Variants in ETV6 observed in about 807,000 individuals in gnomAD.
The protein encoded by ETV6 is transcription factor ETV6.
Under a neutral mutation model 51.1 loss-of-function variants are expected in ETV6, and 16 were observed. The observed-to-expected ratio is 0.31, with a 90% confidence interval of 0.21 to 0.48. The LOEUF (loss-of-function observed/expected upper bound fraction) is 0.48. Ranked by LOEUF, ETV6 falls within the 20% of genes least tolerant of loss-of-function variation. The pLI is 0.99. For synonymous variants in ETV6, 240 were observed against 224.1 expected (o/e 1.07, Z -0.64); for missense variants, 458 against 594.8 (o/e 0.77, Z 2.39).
At chr12:11,719,871 G>A (rs1210909683) in intron 1 of ETV6, among the ~76,000 whole-genome samples, 1 of 152,198 alleles carries the variant, frequency 6.6e-6, no homozygotes, top group South Asian at 2.1e-4. Context: ...CACTGAGATA[G>A]GAAGCGGTCC....
At chr12:11,827,776 A>G (rs777988595) in intron 2 of ETV6, among the ~76,000 whole-genome samples, 3 of 152,156 alleles carry the variant, frequency 2.0e-5, no homozygotes, top group African/African-American at 7.2e-5. Context: ...CTCTGGTTAC[A>G]CTTTGCACAG....
chr12:11,749,592 A>T (rs968423604), intron 1 of ETV6, among the ~76,000 whole-genome samples: 1 of 152,314 alleles, frequency 6.6e-6, no homozygotes, highest in East Asian at 1.9e-4. Flanking sequence ...CCAATTGCTG[A>T]TAGTCTGCTG....
chr12:11,890,322 G>C (rs1183500834), intron 7 of ETV6, among the ~76,000 whole-genome samples: 1 of 125,348 alleles, frequency 8.0e-6, no homozygotes, highest in Non-Finnish European at 1.7e-5. Context: ...TTCTGTAAAA[G>C]AAAGAACATA....
chr12:11,699,539 C>A (rs1347768710), intron 1 of ETV6, among the ~76,000 whole-genome samples: 1 of 152,000 alleles, frequency 6.6e-6, no homozygotes, highest in Non-Finnish European at 1.5e-5. Flanking sequence ...GTGTGTGTTT[C>A]TTCTATATTT....
chr12:11,850,519 A>T (rs1184793530), intron 3 of ETV6, among the ~76,000 whole-genome samples: 1 of 152,228 alleles, frequency 6.6e-6, no homozygotes, highest in Non-Finnish European at 1.5e-5. Flanking sequence ...CTATAATAAT[A>T]TCAGGAATAG....
intron 1 of ETV6, among the ~76,000 whole-genome samples, chr12:11,745,203 A>G (rs1865885317): frequency 6.6e-6 from 1 of 152,242 alleles, no homozygotes; most frequent in Admixed American, 6.5e-5. Context: ...CTAACTTACC[A>G]GGGGAGATAA....
chr12:11,743,183 T>C (rs1865842242), intron 1 of ETV6, among the ~76,000 whole-genome samples: 1 of 152,234 alleles, frequency 6.6e-6, no homozygotes, highest in Admixed American at 6.5e-5. Flanking sequence ...ACAGCAACAC[T>C]GAGGAGACAT....
chr12:11,779,841 T>G (rs1245065515), intron 2 of ETV6, among the ~76,000 whole-genome samples: 2 of 152,208 alleles, frequency 1.3e-5, no homozygotes, highest in African/African-American at 4.8e-5. Context: ...TTTACAGAGA[T>G]AAAAAGTGTG....
chr12:11,880,032 T>TAA (rs59152213), intron 5 of ETV6, among the ~76,000 whole-genome samples: 34,900 of 117,120 alleles, frequency 0.3, 5,135 homozygotes, highest in East Asian at 0.45. Context: ...GTCAATTGTT[T>TAA]AAAAAAAAAA....
chr12:11,878,990 T>C (rs894621109), intron 5 of ETV6, among the ~76,000 whole-genome samples: 1 of 152,062 alleles, frequency 6.6e-6, no homozygotes, highest in African/African-American at 2.4e-5. Context: ...CTCTACCCAC[T>C]AGATGCTAGG....
intron 3 of ETV6, among the ~76,000 whole-genome samples, chr12:11,842,326 G>C (rs867828736): frequency 1.3e-5 from 2 of 151,476 alleles, no homozygotes; most frequent in Admixed American, 1.3e-4. Flanking sequence ...CTCCCATCTT[G>C]TTCTACCTCC....
chr12:11,713,153 G>A (rs1249460776), intron 1 of ETV6, among the ~76,000 whole-genome samples: 2 of 152,134 alleles, frequency 1.3e-5, no homozygotes, highest in African/African-American at 4.8e-5. Flanking sequence ...ATGTGATCAT[G>A]GGCAAGTGAA....
intron 1 of ETV6, among the ~76,000 whole-genome samples, chr12:11,667,507 T>A (rs1864216052): frequency 6.7e-6 from 1 of 149,946 alleles, no homozygotes. Context: ...TCTAGCAACC[T>A]GCTGAAGAAC....
At chr12:11,715,559 A>G (rs1471784912) in intron 1 of ETV6, among the ~76,000 whole-genome samples, 1 of 152,232 alleles carries the variant, frequency 6.6e-6, no homozygotes, top group East Asian at 1.9e-4. Flanking sequence ...TGGGATCCAA[A>G]CCCAGGTGTG....
intron 1 of ETV6, among the ~76,000 whole-genome samples, chr12:11,726,907 C>T (rs892250780): frequency 1.3e-5 from 2 of 152,266 alleles, no homozygotes; most frequent in African/African-American, 4.8e-5. Context: ...TTCACTTCAT[C>T]TGCACAGCCT....
At position 11,887,304 on chromosome 12, in the gene ETV6, GGCTCTTAAATCTCTATATCCA is replaced by G. The variant is rs1246675361; in HGVS notation, c.1253+1284_1253+1304del. On this transcript the variant is annotated intron_variant, in intron 7 of 7. Transcript: ENST00000396373. ...ACTTCATTTATCACCTCAGTGGTTA[GGCTCTTAAATCTCTATATCCA>G]GCTCTAAAATCTCCCTGAAATTCCA... is the stretch of plus-strand genomic sequence containing the variant. 9.2e-5 allele frequency among the ~76,000 whole-genome samples: 14 copies of G among 152,226 alleles called. No homozygotes were observed. In the South Asian group the frequency reaches 2.9e-3, roughly 32 times the overall value.
intron 2 of ETV6, among the ~76,000 whole-genome samples, chr12:11,833,746 A>G (rs1249455538): frequency 2.0e-5 from 3 of 152,212 alleles, no homozygotes; most frequent in African/African-American, 7.2e-5. Context: ...GACTCCTGGC[A>G]CATAGCAATC....
At chr12:11,878,662 C>T (rs1009331723) in intron 5 of ETV6, among the ~76,000 whole-genome samples, 8 of 151,938 alleles carry the variant, frequency 5.3e-5, no homozygotes, top group East Asian at 1.9e-4. Context: ...CCTCCCCCAG[C>T]GTGCCACCGT....
At position 11,874,495 on chromosome 12, in the gene ETV6, CATATGTGTATGTGCGTGTGTACACACAT is replaced by C. The variant is rs1378778407; in HGVS notation, c.1009+4580_1009+4607del. 3.1e-3 allele frequency among the ~76,000 whole-genome samples: 43 copies of C among 14,084 alleles called. 13 individuals carry two copies. Among genetic ancestry groups the C allele is most frequent in the African/African-American group, 6.1e-3 (41 of 6,750 alleles). 9.2% of individuals were successfully genotyped at this position (14,084 alleles called of 152,430 possible). A position where few individuals can be genotyped will look rare whatever the true frequency, so the allele number is the denominator to read the frequency against. On this transcript the variant is annotated intron_variant, in intron 5 of 7. Coordinates refer to ENST00000396373, the MANE Select transcript of ETV6 (RefSeq NM_001987.5). ...ACACGTGTATGTGCGTGTGTACACACATATGTGTATGTGCGTGTGTACACACATATATGTGTATGTGCGTGTGTACACA... is the reference window on the plus strand; with the variant it reads ...ACACGTGTATGTGCGTGTGTACACACATATGTGTATGTGCGTGTGTACACA...
Sources: allele counts gnomAD v4.1 joint callset (sites outside exome capture counted in the v4.1 genomes callset), GRCh38; gene constraint gnomAD v4.1.1; transcripts MANE v1.5; gene names NCBI Gene and HGNC (gene_info 2026-07-23, HGNC 2026-07-21).